PDE1A: variants seen among roughly 807,000 people sequenced by gnomAD.
PDE1A encodes dual specificity calcium/calmodulin-dependent 3',5'-cyclic nucleotide phosphodiesterase 1A.
A neutral mutation model predicts 61.7 loss-of-function variants in PDE1A; 35 were observed. The observed-to-expected ratio is 0.57, with a 90% CI of 0.43 to 0.75. The LOEUF (loss-of-function observed/expected upper bound fraction) is 0.75, where lower values mean the gene tolerates loss of function less well. Among genes scored for constraint, PDE1A ranks in the 30% least tolerant of loss-of-function variants. The probability of loss-of-function intolerance (pLI) is 0.00; values close to 1 mark genes in which losing one functional copy is unlikely to be tolerated. For missense variants in PDE1A, 597 were observed against 630.6 expected, an observed-to-expected ratio of 0.95 and a Z score of 0.57; for synonymous variants, 232 against 213.2, an observed-to-expected ratio of 1.09 and a Z score of -0.77.
rs186501140 is a variant in PDE1A, at chr2:182,205,570, A to T, written c.902+370T>A. ...CCTTAACTCCACATCTTTTAAAAAAAATATATGAAAGAATGAATATAATGC... is the reference window on the plus strand; with the variant it reads ...CCTTAACTCCACATCTTTTAAAAAATATATATGAAAGAATGAATATAATGC... On this transcript the variant is annotated intron_variant, in intron 8 of 13. Transcript: ENST00000351439. Among the ~76,000 whole-genome samples the T allele has an allele frequency of 5.3e-3, 802 of 152,332 alleles. 33 individuals carry two copies. Among genetic ancestry groups the T allele is most frequent in the Admixed American group, 0.047 (719 of 15,304 alleles).
At chr2:182,318,868 T>C (rs1026329431) in intron 1 of PDE1A, among the ~76,000 whole-genome samples, 1 of 152,176 alleles carries the variant, frequency 6.6e-6, no homozygotes, top group Non-Finnish European at 1.5e-5. Context: ...AAAAAGACTT[T>C]GTTCAGCCCA....
At chr2:182,688,382 T>C in the PDE1A span, among the ~76,000 whole-genome samples, 3 of 152,118 alleles carry the variant, frequency 2.0e-5, no homozygotes, top group Non-Finnish European at 2.9e-5. Context: ...TACAACATTC[T>C]TAAAGAAAAC....
chr2:182,691,922 A>C, the PDE1A span, among the ~76,000 whole-genome samples: 40 of 152,358 alleles, frequency 2.6e-4, 2 homozygotes, highest in South Asian at 8.3e-3. Context: ...GACACGAAAA[A>C]ATGCTCATCA....
intron 2 of PDE1A, among the ~76,000 whole-genome samples, chr2:182,466,529 G>A (rs538872823): frequency 6.6e-6 from 1 of 152,164 alleles, no homozygotes; most frequent in South Asian, 2.1e-4. Context: ...AGTCCACGAA[G>A]TATGTTGGCA....
intron 2 of PDE1A, among the ~76,000 whole-genome samples, chr2:182,458,820 G>A (rs1686088040): frequency 6.6e-6 from 1 of 151,996 alleles, no homozygotes; most frequent in South Asian, 2.1e-4. Context: ...AACAACTTAA[G>A]CCATCATAAA....
the PDE1A span, among the ~76,000 whole-genome samples, chr2:182,620,586 A>G: frequency 1.6e-4 from 25 of 152,358 alleles, no homozygotes; most frequent in African/African-American, 6.0e-4. Flanking sequence ...AACAGGAAAC[A>G]GAGGCTAGAA....
chr2:182,389,805 A>G (rs115900019), intron 1 of PDE1A, among the ~76,000 whole-genome samples: 3,197 of 152,328 alleles, frequency 0.021, 114 homozygotes, highest in African/African-American at 0.074. Flanking sequence ...CTGTCAGTGC[A>G]GACAGAATAA....
chr2:182,262,955 ATGTGTGTGTGTGTG>A (rs60469609), intron 2 of PDE1A, among the ~76,000 whole-genome samples: 2 of 147,158 alleles, frequency 1.4e-5, no homozygotes, highest in South Asian at 2.2e-4. Flanking sequence ...TTATTAAACA[ATGTGTGTGTGTGTG>A]TGTGTGTGTG....
exon 15 of PDE1A, chr2:182,140,832 A>G (rs1021683960): frequency 1.3e-5 from 2 of 151,264 alleles, no homozygotes; most frequent in African/African-American, 4.9e-5. Context: ...AAAGGAAGGA[A>G]TAAATATAAA....
At chr2:182,329,052 C>A (rs895654776) in intron 1 of PDE1A, among the ~76,000 whole-genome samples, 9 of 152,106 alleles carry the variant, frequency 5.9e-5, no homozygotes, top group African/African-American at 2.2e-4. Context: ...GTAATAACTT[C>A]AAATATAAAC....
At chr2:182,674,518 C>A in the PDE1A span, among the ~76,000 whole-genome samples, 1 of 151,932 alleles carries the variant, frequency 6.6e-6, no homozygotes, top group East Asian at 1.9e-4. Flanking sequence ...GAATGCAGGG[C>A]CTAGGACAAA....
At chr2:182,317,798 A>G (rs571795786) in intron 1 of PDE1A, among the ~76,000 whole-genome samples, 1 of 152,274 alleles carries the variant, frequency 6.6e-6, no homozygotes, top group Non-Finnish European at 1.5e-5. Flanking sequence ...GGGAAAATAA[A>G]TAGACATGAG....
the PDE1A span, among the ~76,000 whole-genome samples, chr2:182,628,774 C>G: frequency 6.6e-6 from 1 of 151,850 alleles, no homozygotes; most frequent in Non-Finnish European, 1.5e-5. Flanking sequence ...ATATTGTTTT[C>G]ATTGTTTGCT....
the PDE1A span, among the ~76,000 whole-genome samples, chr2:182,592,819 AT>A: frequency 6.6e-6 from 1 of 152,086 alleles, no homozygotes; most frequent in African/African-American, 2.4e-5. Flanking sequence ...TAGTTGATAC[AT>A]TTGTCAAAAC....
At chr2:182,453,985 T>C (rs1433811198) in intron 2 of PDE1A, among the ~76,000 whole-genome samples, 1 of 151,954 alleles carries the variant, frequency 6.6e-6, no homozygotes, top group Non-Finnish European at 1.5e-5. Context: ...ATTGTCCCTG[T>C]TTGCAGATGA....
intron 2 of PDE1A, among the ~76,000 whole-genome samples, chr2:182,513,147 A>T (rs971418951): frequency 6.6e-6 from 1 of 152,172 alleles, no homozygotes; most frequent in Non-Finnish European, 1.5e-5. Flanking sequence ...ACACATGGGC[A>T]TCAGATTCTC....
chr2:182,281,755 T>C (rs1693823782), intron 1 of PDE1A, among the ~76,000 whole-genome samples: 1 of 151,958 alleles, frequency 6.6e-6, no homozygotes, highest in Non-Finnish European at 1.5e-5. Flanking sequence ...TTAGATTGTT[T>C]TACAGTCACT....
the PDE1A span, among the ~76,000 whole-genome samples, chr2:182,668,147 G>C: frequency 6.6e-6 from 1 of 152,160 alleles, no homozygotes; most frequent in Non-Finnish European, 1.5e-5. Flanking sequence ...CATGATCAGA[G>C]AGCAGTGAGT....
chr2:182,403,001 A>T (rs187283197), intron 1 of PDE1A, among the ~76,000 whole-genome samples: 4 of 149,336 alleles, frequency 2.7e-5, no homozygotes, highest in Admixed American at 6.6e-5. Flanking sequence ...TAGAATGGCG[A>T]CCATTAAAAA....
Sources: allele counts gnomAD v4.1 joint callset (sites outside exome capture counted in the v4.1 genomes callset), GRCh38; gene constraint gnomAD v4.1.1; transcripts MANE v1.5; gene names NCBI Gene and HGNC (gene_info 2026-07-23, HGNC 2026-07-21).